SGCD: variants seen among roughly 807,000 people sequenced by gnomAD.
SGCD encodes the protein delta-sarcoglycan.
SGCD carries 18 observed loss-of-function variants against 36.6 expected under a neutral mutation model. The ratio of observed to expected loss-of-function variants is 0.49; its 90% CI spans 0.34 to 0.73. The LOEUF (loss-of-function observed/expected upper bound fraction) is 0.73, where lower values mean the gene tolerates loss of function less well. Among genes scored for constraint, SGCD ranks in the 30% least tolerant of loss-of-function variants. SGCD has a pLI of 0.01. For missense variants in SGCD, 387 were observed against 346.7 expected (o/e 1.12, Z -0.92); for synonymous variants, 133 against 130.6 (o/e 1.02, Z -0.12).
intron 1 of SGCD, among the ~76,000 whole-genome samples, chr5:156,061,242 C>T (rs939365768): frequency 1.4e-5 from 2 of 144,716 alleles, no homozygotes; most frequent in African/African-American, 5.0e-5. Flanking sequence ...TATGTCCAAT[C>T]TCTACTATTC....
At chr5:155,778,059 G>A in the SGCD span, among the ~76,000 whole-genome samples, 9 of 152,046 alleles carry the variant, frequency 5.9e-5, no homozygotes, top group Admixed American at 4.6e-4. Flanking sequence ...CTTTGCTTTT[G>A]CATGTACTTC....
intron 7 of SGCD, among the ~76,000 whole-genome samples, chr5:156,688,256 G>A (rs1332158275): frequency 1.3e-5 from 2 of 152,076 alleles, no homozygotes; most frequent in Non-Finnish European, 2.9e-5. Flanking sequence ...CATAGTGGCT[G>A]ACACCTATAA....
chr5:155,827,203 T>C, the SGCD span, among the ~76,000 whole-genome samples: 1 of 152,206 alleles, frequency 6.6e-6, no homozygotes. Context: ...TTAGGAATTA[T>C]ATTTAGGTGC....
chr5:156,599,550 T>C (rs964899112), intron 6 of SGCD, among the ~76,000 whole-genome samples: 1 of 152,164 alleles, frequency 6.6e-6, no homozygotes, highest in Non-Finnish European at 1.5e-5. Flanking sequence ...TCAGAACAAT[T>C]TTAAAAATTT....
At chr5:156,631,704 C>T (rs1040218045) in intron 6 of SGCD, among the ~76,000 whole-genome samples, 3 of 151,846 alleles carry the variant, frequency 2.0e-5, no homozygotes, top group Non-Finnish European at 2.9e-5. Flanking sequence ...TTTAGCGTAC[C>T]TGTTTTTACA....
chr5:156,165,348 A>G (rs182267247), intron 3 of SGCD, among the ~76,000 whole-genome samples: 94 of 152,334 alleles, frequency 6.2e-4, no homozygotes, highest in Non-Finnish European at 1.1e-3. Context: ...CAAAACTTTT[A>G]AAAAATGAAA....
chr5:156,461,036 T>C (rs984520936), intron 3 of SGCD, among the ~76,000 whole-genome samples: 5 of 152,168 alleles, frequency 3.3e-5, no homozygotes, highest in Admixed American at 3.3e-4. Flanking sequence ...GAGAAAGTGG[T>C]TCCAGGGCAT....
At chr5:156,714,006 C>T (rs772788876) in intron 7 of SGCD, among the ~76,000 whole-genome samples, 2 of 152,190 alleles carry the variant, frequency 1.3e-5, no homozygotes, top group African/African-American at 4.8e-5. Context: ...CTCCAGCATA[C>T]GTGAAAGGAA....
chr5:156,305,280 G>C (rs955930202), intron 3 of SGCD, among the ~76,000 whole-genome samples: 1 of 152,146 alleles, frequency 6.6e-6, no homozygotes, highest in Admixed American at 6.5e-5. Flanking sequence ...CAGGGTGTCT[G>C]TGCTGTGTGC....
chr5:155,862,624 C>CTAAAAG, the SGCD span, among the ~76,000 whole-genome samples: 1 of 152,178 alleles, frequency 6.6e-6, no homozygotes, highest in Non-Finnish European at 1.5e-5. Context: ...AGCCACTGTG[C>CTAAAAG]CCAGCCAGCT....
At chr5:156,648,096 G>A (rs1763299589) in intron 7 of SGCD, among the ~76,000 whole-genome samples, 1 of 152,062 alleles carries the variant, frequency 6.6e-6, no homozygotes. Context: ...AGAACAGACA[G>A]ATGGATAAAC....
At position 155,913,011 on chromosome 5, in the gene SGCD, G is replaced by A. The variant is rs540470808; in HGVS notation, c.-282+42587G>A. 5.0e-4 allele frequency among the ~76,000 whole-genome samples: 76 copies of A among 152,138 alleles called. No individual in the cohort carries two copies. In the Middle Eastern group the frequency reaches 0.01, roughly 20 times the overall value. ...TGTATTTTTAATCTTGGATTTTTCC[G>A]AACTTTTGCATTGTGATGTATTTCT... On this transcript the variant is annotated intron_variant, in intron 1 of 9. Coordinates refer to the SGCD transcript ENST00000517913.
intron 1 of SGCD, among the ~76,000 whole-genome samples, chr5:155,975,350 C>G (rs187283329): frequency 7.9e-5 from 12 of 152,180 alleles, no homozygotes; most frequent in African/African-American, 2.6e-4. Context: ...TTGGCAGTAT[C>G]TGGAGACTTT....
chr5:155,763,917 T>C, the SGCD span, among the ~76,000 whole-genome samples: 2 of 149,296 alleles, frequency 1.3e-5, no homozygotes, highest in African/African-American at 4.8e-5. Flanking sequence ...ACAGACTTTT[T>C]TCTTCTTTTG....
At chr5:156,571,695 G>T (rs1759730602) in intron 4 of SGCD, among the ~76,000 whole-genome samples, 1 of 152,212 alleles carries the variant, frequency 6.6e-6, no homozygotes, top group Non-Finnish European at 1.5e-5. Flanking sequence ...CTTCATGGTA[G>T]TTAGTATTTC....
intron 1 of SGCD, among the ~76,000 whole-genome samples, chr5:155,909,470 C>T (rs569608311): frequency 1.1e-4 from 16 of 152,032 alleles, no homozygotes; most frequent in Non-Finnish European, 2.1e-4. Context: ...AGAGCATGCG[C>T]GGGTTATTGA....
At chr5:156,446,331 A>G (rs966124279) in intron 3 of SGCD, among the ~76,000 whole-genome samples, 1 of 152,176 alleles carries the variant, frequency 6.6e-6, no homozygotes, top group African/African-American at 2.4e-5. Flanking sequence ...TGAGTCATAA[A>G]GACAGTTGCA....
At chr5:156,016,875 C>T (rs2127572259) in intron 1 of SGCD, among the ~76,000 whole-genome samples, 1 of 152,228 alleles carries the variant, frequency 6.6e-6, no homozygotes, top group African/African-American at 2.4e-5. Context: ...TGTGCATATA[C>T]ATTTTTGTAT....
chr5:156,572,999 A>C (rs1368666803), intron 4 of SGCD, among the ~76,000 whole-genome samples: 2 of 152,200 alleles, frequency 1.3e-5, no homozygotes, highest in African/African-American at 2.4e-5. Context: ...AGAAATGTAC[A>C]TATTACCTGT....
Sources: allele counts gnomAD v4.1 joint callset (sites outside exome capture counted in the v4.1 genomes callset), GRCh38; gene constraint gnomAD v4.1.1; transcripts MANE v1.5; gene names NCBI Gene and HGNC (gene_info 2026-07-23, HGNC 2026-07-21).